TDRD9: variants seen among roughly 807,000 people sequenced by gnomAD.
TDRD9 encodes ATP-dependent RNA helicase TDRD9.
In TDRD9, 124 loss-of-function variants were observed where a neutral mutation model predicts 172.6. The ratio of observed to expected loss-of-function variants is 0.72; its 90% CI spans 0.62 to 0.83. TDRD9 has a LOEUF of 0.83. Among genes scored for constraint, TDRD9 ranks in the 40% least tolerant of loss-of-function variants. TDRD9 has a pLI of 0.00. For missense variants in TDRD9, 1,479 were observed against 1,714.1 expected (o/e 0.86, Z 2.42); for synonymous variants, 619 against 617.1 (o/e 1.00, Z -0.05).
chr14:104,031,423 C>T (rs1278182971), intron 29 of TDRD9, among the ~76,000 whole-genome samples, 160 bp downstream of exon 29: 2 of 149,726 alleles, frequency 1.3e-5, no homozygotes, highest in African/African-American at 2.5e-5. Context: ...AAGAAAAAAC[C>T]CTGGGGTTTA....
intron 32 of TDRD9, among the ~76,000 whole-genome samples, chr14:104,037,763 G>T (rs1483486234): frequency 6.6e-6 from 1 of 152,130 alleles, no homozygotes; most frequent in Non-Finnish European, 1.5e-5. Flanking sequence ...ATAACTCAGG[G>T]TGACTGAGCC....
At chr14:104,031,468 GTTT>G (rs55696833) in intron 29 of TDRD9, among the ~76,000 whole-genome samples, 2 of 105,090 alleles carry the variant, frequency 1.9e-5, no homozygotes, top group Admixed American at 1.1e-4. Flanking sequence ...GCTTTGACTA[GTTT>G]TTTTTTTTTT....
At chr14:103,985,540 T>C (rs1488883666) in intron 7 of TDRD9, among the ~76,000 whole-genome samples, 1 of 152,206 alleles carries the variant, frequency 6.6e-6, no homozygotes, top group Non-Finnish European at 1.5e-5. Flanking sequence ...GATGGACTAA[T>C]GCACAGCCTG....
At chr14:104,046,292 G>A (rs1410136342) in intron 34 of TDRD9, among the ~76,000 whole-genome samples, 1 of 152,068 alleles carries the variant, frequency 6.6e-6, no homozygotes, top group African/African-American at 2.4e-5. Flanking sequence ...TGTTTTCGGT[G>A]CTATATCTTA....
At chr14:103,952,211 TATATATA>T in intron 1 of TDRD9, among the ~76,000 whole-genome samples, 1 of 81,242 alleles carries the variant, frequency 1.2e-5, no homozygotes, top group African/African-American at 6.4e-5. Flanking sequence ...TATATATATA[TATATATA>T]TATTTTTTTT....
chr14:104,042,062 T>C lies in TDRD9; in HGVS notation c.3856-7T>C. ...TTATGAGTGTTTATGTTGCTGTTCA[T>C]TTACAGGTTAATATTCTCAGGGCTG... is the stretch of plus-strand genomic sequence containing the variant. On this transcript the variant is annotated splice_region_variant and splice_polypyrimidine_tract_variant and intron_variant, in intron 33 of 35. Coordinates refer to ENST00000409874, the MANE Select transcript of TDRD9 (RefSeq NM_153046.3). 1 of 1,560,930 alleles carries C rather than the reference T, an allele frequency of 6.4e-7. No homozygotes were observed. Among genetic ancestry groups the C allele is most frequent in the South Asian group, 1.1e-5 (1 of 89,942 alleles).
intron 27 of TDRD9, 64 bp from the exon 28 acceptor site, chr14:104,026,615 T>C (rs2035126444): frequency 6.4e-7 from 1 of 1,564,014 alleles, no homozygotes; most frequent in African/African-American, 1.4e-5. Flanking sequence ...TTTTCAGTGG[T>C]ATTTGGGATG....
Position 104,007,147 on chromosome 14 carries a change from C to G in TDRD9, c.2008-13C>G, listed in dbSNP as rs1443157660. 1.7e-5 allele frequency: 27 copies of G among 1,612,382 alleles called. No individual in the cohort carries two copies. Among genetic ancestry groups the G allele is most frequent in the Non-Finnish European group, 2.2e-5 (26 of 1,179,352 alleles). On this transcript the variant is annotated splice_polypyrimidine_tract_variant and intron_variant, in intron 18 of 35. Coordinates refer to ENST00000409874, the MANE Select transcript of TDRD9 (RefSeq NM_153046.3). The stretch of plus-strand genomic sequence containing the variant: ...AACACATTATTTTGAAAGTTTGGAT[C>G]CTTTATTTTCAGACATGGAAGGCTT...
chr14:103,992,664 C>A (rs2033910652), intron 9 of TDRD9, among the ~76,000 whole-genome samples: 1 of 152,144 alleles, frequency 6.6e-6, no homozygotes, highest in African/African-American at 2.4e-5. Flanking sequence ...GGGCTCATGC[C>A]TGGAATCCCA....
chr14:104,034,341 C>A (rs1379469617), intron 31 of TDRD9, among the ~76,000 whole-genome samples: 1 of 150,960 alleles, frequency 6.6e-6, no homozygotes, highest in African/African-American at 2.4e-5. Flanking sequence ...CAAGCACCTG[C>A]CACCATGCCT....
At chr14:104,025,977 C>T in intron 26 of TDRD9, 70 bp from the exon 27 acceptor site, 1 of 1,070,214 alleles carries the variant, frequency 9.3e-7, no homozygotes. Flanking sequence ...CAGACTGCTG[C>T]ATTGCTATTG....
chr14:103,941,362 G>A, intron 1 of TDRD9: 1 of 1,451,496 alleles, frequency 6.9e-7, no homozygotes. Context: ...GGACTTAGCA[G>A]TAGCAGGAAT....
intron 1 of TDRD9, among the ~76,000 whole-genome samples, chr14:103,942,538 A>G (rs2031301971): frequency 1.3e-5 from 2 of 152,216 alleles, no homozygotes; most frequent in Non-Finnish European, 2.9e-5. Context: ...CTGTCGCGTG[A>G]TGTGATGCTT....
intron 7 of TDRD9, among the ~76,000 whole-genome samples, chr14:103,978,973 G>A (rs544194930): frequency 6.6e-6 from 1 of 152,200 alleles, no homozygotes; most frequent in East Asian, 1.9e-4. Context: ...GTTGTTATCT[G>A]TAGAACACTG....
At chr14:103,952,220 ATTTTTTTTTTTTTTTTTTTTTTT>A (rs61410445) in intron 1 of TDRD9, among the ~76,000 whole-genome samples, 4 of 32,320 alleles carry the variant, frequency 1.2e-4, no homozygotes, top group Non-Finnish European at 2.0e-4. Context: ...ATATATATAT[ATTTTTTTTTTTTTTTTTTTTTTT>A]TTTTTTTTTT....
chr14:103,995,115 A>G (rs993667388), intron 11 of TDRD9, among the ~76,000 whole-genome samples: 14 of 152,134 alleles, frequency 9.2e-5, no homozygotes, highest in Non-Finnish European at 2.1e-4. Flanking sequence ...TTGTTTTCTC[A>G]ATTCAGGAAT....
intron 35 of TDRD9, among the ~76,000 whole-genome samples, chr14:104,051,666 AT>A (rs1403550822): frequency 1.3e-5 from 2 of 152,160 alleles, no homozygotes; most frequent in East Asian, 3.9e-4. Context: ...GTGAGATGGT[AT>A]TTTGTGGTTT....
intron 5 of TDRD9, among the ~76,000 whole-genome samples, chr14:103,967,496 G>A (rs868491305): frequency 9.9e-5 from 15 of 152,108 alleles, no homozygotes; most frequent in African/African-American, 3.1e-4. Flanking sequence ...CTGCCCTTCA[G>A]CCTGGGCAAC....
intron 23 of TDRD9, among the ~76,000 whole-genome samples, chr14:104,020,401 G>C (rs1270295933): frequency 6.6e-6 from 1 of 152,154 alleles, no homozygotes; most frequent in Non-Finnish European, 1.5e-5. Flanking sequence ...CATGTGGGGG[G>C]CAAAGAAGTG....
Sources: allele counts gnomAD v4.1 joint callset (sites outside exome capture counted in the v4.1 genomes callset), GRCh38; gene constraint gnomAD v4.1.1; transcripts MANE v1.5; gene names NCBI Gene and HGNC (gene_info 2026-07-23, HGNC 2026-07-21).